HPF1: variants seen among roughly 807,000 people sequenced by gnomAD.
HPF1 encodes UPF0609 protein C4orf27.
A neutral mutation model predicts 38.8 loss-of-function variants in HPF1; 35 were observed. The observed-to-expected ratio is 0.90, with a 90% CI of 0.69 to 1.19. The LOEUF is 1.19. Ranked by LOEUF, HPF1 falls within the 50% of genes most tolerant of loss-of-function variation. The probability of loss-of-function intolerance (pLI) is 0.00; values close to 1 mark genes in which losing one functional copy is unlikely to be tolerated. For synonymous variants in HPF1, 115 were observed against 139.2 expected (o/e 0.83, Z 1.22); for missense variants, 367 against 405.8 (o/e 0.90, Z 0.82).
At chr4:169,750,194 C>A (rs1734099752) in intron 3 of HPF1, among the ~76,000 whole-genome samples, 1 of 152,082 alleles carries the variant, frequency 6.6e-6, no homozygotes, top group Non-Finnish European at 1.5e-5. Flanking sequence ...ACAAGAGGAC[C>A]AGTGTGACTC....
At chr4:169,748,927 T>A (rs1734083540) in intron 3 of HPF1, 85 bp from the exon 4 acceptor site, 1 of 647,900 alleles carries the variant, frequency 1.5e-6, no homozygotes, top group Non-Finnish European at 2.7e-6. Context: ...CAGACAACAA[T>A]TTACACCTAT....
chr4:169,739,988 A>G (rs1733950288), intron 5 of HPF1, among the ~76,000 whole-genome samples: 2 of 152,236 alleles, frequency 1.3e-5, no homozygotes, highest in South Asian at 4.1e-4. Context: ...AGAGGAATCA[A>G]TTAAGAAGTC....
At chr4:169,732,131 G>T in intron 6 of HPF1, 2 of 276,166 alleles carry the variant, frequency 7.2e-6, no homozygotes, top group Non-Finnish European at 6.5e-6. Flanking sequence ...TTTAGTTACA[G>T]TCACGATTTT....
intron 3 of HPF1, among the ~76,000 whole-genome samples, chr4:169,749,948 C>T (rs1462066612): frequency 3.3e-5 from 5 of 152,128 alleles, no homozygotes; most frequent in South Asian, 2.1e-4. Flanking sequence ...TTCCTGGGCA[C>T]GTTCCTTCTA....
chr4:169,731,821 T>G lies in HPF1; in HGVS notation c.792A>C (p.Arg264Ser). Residue 264 changes from arginine to serine, a missense_variant, in exon 7 of 8, where the codon AGA becomes AGC. Coordinates refer to ENST00000393381, the MANE Select transcript of HPF1 (RefSeq NM_017867.3). ...CCTGAATGGGAGCAAAAGCTTTTAGTCTCTCCTCATCACTTGCAGCCTCAA... is the reference window on the plus strand; with the variant it reads ...CCTGAATGGGAGCAAAAGCTTTTAGGCTCTCCTCATCACTTGCAGCCTCAA... ...TIVEAASDEE[R>S]LKAFAPIQEM... is the part of the protein sequence containing the mutation. The G allele has an allele frequency of 6.2e-7, 1 of 1,612,700 alleles. No homozygotes were observed. Among genetic ancestry groups the G allele is most frequent in the Non-Finnish European group, 8.5e-7 (1 of 1,179,444 alleles).
intron 5 of HPF1, 62 bp downstream of exon 5, chr4:169,741,895 G>T: frequency 7.3e-7 from 1 of 1,376,040 alleles, no homozygotes; most frequent in Non-Finnish European, 1.0e-6. Flanking sequence ...GAGATGGGAA[G>T]GAATCAAGAG....
intron 5 of HPF1, among the ~76,000 whole-genome samples, chr4:169,738,995 G>C (rs567364353): frequency 2.0e-5 from 3 of 151,932 alleles, no homozygotes; most frequent in Admixed American, 6.6e-5. Context: ...GTGGTGGGGT[G>C]GGGGGAGGAG....
chr4:169,754,159 T>G (rs1220839157), intron 1 of HPF1, among the ~76,000 whole-genome samples: 1 of 152,150 alleles, frequency 6.6e-6, no homozygotes, highest in East Asian at 1.9e-4. Flanking sequence ...TTTGCCCTCT[T>G]TTGGTTAAAG....
intron 4 of HPF1, 37 bp downstream of exon 4, chr4:169,748,706 TA>T: frequency 9.9e-7 from 1 of 1,008,820 alleles, no homozygotes. Context: ...TAATGTAGTA[TA>T]AACATTGTAA....
intron 6 of HPF1, among the ~76,000 whole-genome samples, chr4:169,737,044 G>A (rs1380824306): frequency 1.3e-5 from 2 of 152,248 alleles, no homozygotes; most frequent in East Asian, 1.9e-4. Context: ...TTACTACTTT[G>A]CAAGTTGACT....
intron 4 of HPF1, among the ~76,000 whole-genome samples, chr4:169,747,074 C>T (rs1184161121): frequency 1.5e-4 from 22 of 149,100 alleles, no homozygotes; most frequent in African/African-American, 5.4e-4. Flanking sequence ...CACTATGTTG[C>T]CCAGCCTGAA....
chr4:169,735,806 C>T (rs1004626616), intron 6 of HPF1, among the ~76,000 whole-genome samples: 4 of 151,800 alleles, frequency 2.6e-5, no homozygotes, highest in Non-Finnish European at 5.9e-5. Context: ...CCATCAGAGA[C>T]TAATTGACTC....
chr4:169,749,609 CAAATTTGCCAGTTTT>C (rs927108770), intron 3 of HPF1, among the ~76,000 whole-genome samples: 1 of 149,682 alleles, frequency 6.7e-6, no homozygotes, highest in Non-Finnish European at 1.5e-5. Flanking sequence ...AAAATTCAAA[CAAATTTGCCAGTTTT>C]AAGCTCCAAG....
At position 169,746,994 on chromosome 4, in the gene HPF1, A is replaced by T. The variant is rs766436156; in HGVS notation, c.497+1750T>A. Among the ~76,000 whole-genome samples, 792 of 133,396 alleles carry T rather than the reference A, an allele frequency of 5.9e-3. 10 individuals carry two copies. Among genetic ancestry groups the T allele is most frequent in the South Asian group, 0.037 (174 of 4,652 alleles). The allele number at this position is 133,396 out of a possible 152,430, so 87.5% of individuals were successfully genotyped here. A position where few individuals can be genotyped will look rare whatever the true frequency, so the allele number is the denominator to read the frequency against. The stretch of plus-strand genomic sequence containing the variant: ...ACCACTATTATGTTATCTTTTTTTA[A>T]AAAAAAAAAAAAACATGACTAATAA... On this transcript the variant is annotated intron_variant, in intron 4 of 7. Coordinates refer to ENST00000393381, the MANE Select transcript of HPF1 (RefSeq NM_017867.3).
intron 5 of HPF1, among the ~76,000 whole-genome samples, 154 bp from the exon 6 acceptor site, chr4:169,737,901 CT>C (rs1733919693): frequency 7.1e-6 from 1 of 141,194 alleles, no homozygotes; most frequent in South Asian, 2.1e-4. Flanking sequence ...AAATTTAACA[CT>C]ATTTTTTTCT....
rs143047750 is a variant in HPF1 at position 169,738,416 on chromosome 4, T to A, written c.649-669A>T. 4.8e-3 allele frequency among the ~76,000 whole-genome samples: 736 copies of A among 152,350 alleles called. 6 individuals carry two copies. Among genetic ancestry groups the A allele is most frequent in the Middle Eastern group, 0.031 (9 of 294 alleles). ...CCTTTAGCTCATGTTAGTGACATTA[T>A]TTTTAGGTCTTTCCTTAGCGAAACA... On this transcript the variant is annotated intron_variant, in intron 5 of 7. Coordinates refer to ENST00000393381, the MANE Select transcript of HPF1 (RefSeq NM_017867.3).
At chr4:169,755,265 A>G (rs1049143185) in intron 1 of HPF1, among the ~76,000 whole-genome samples, 10 of 152,186 alleles carry the variant, frequency 6.6e-5, no homozygotes, top group Non-Finnish European at 1.3e-4. Flanking sequence ...AGACTATTAC[A>G]CTTAATATTA....
chr4:169,748,701 T>A lies in HPF1; in HGVS notation c.497+43A>T, dbSNP rs767841701. 6 of 926,022 alleles carry A rather than the reference T, an allele frequency of 6.5e-6. No individual in the cohort carries two copies. The East Asian group carries it at 1.6e-4, about 25-fold the overall frequency. The allele number at this position is 926,022 out of a possible 1,614,324, so 57.4% of individuals were successfully genotyped here. A position where few individuals can be genotyped will look rare whatever the true frequency, so the allele number is the denominator to read the frequency against. On this transcript the variant is annotated intron_variant, in intron 4 of 7. Coordinates refer to ENST00000393381, the MANE Select transcript of HPF1 (RefSeq NM_017867.3). ...AAACCCCCTTTGTAATGGACTAATGTAGTATAAACATTGTAAACAAATATA... is the reference window on the plus strand; with the variant it reads ...AAACCCCCTTTGTAATGGACTAATGAAGTATAAACATTGTAAACAAATATA...
rs527310816 is a variant in HPF1, at chr4:169,746,225, T to C, written c.497+2519A>G. ...ACCTAATCTTCCCTATTGCTGGATATGTTGCCAATTTTTCATTTGATAAAC... is the reference window on the plus strand; with the variant it reads ...ACCTAATCTTCCCTATTGCTGGATACGTTGCCAATTTTTCATTTGATAAAC... On this transcript the variant is annotated intron_variant, in intron 4 of 7. Coordinates refer to ENST00000393381, the MANE Select transcript of HPF1 (RefSeq NM_017867.3). 1.1e-4 allele frequency among the ~76,000 whole-genome samples: 16 copies of C among 152,332 alleles called. 1 individual carries two copies. Among genetic ancestry groups the C allele is most frequent in the East Asian group, 3.9e-4 (2 of 5,186 alleles).
Sources: allele counts gnomAD v4.1 joint callset (sites outside exome capture counted in the v4.1 genomes callset), GRCh38; gene constraint gnomAD v4.1.1; transcripts MANE v1.5; gene names NCBI Gene and HGNC (gene_info 2026-07-23, HGNC 2026-07-21).